Variants in MAP4 observed in about 807,000 individuals in gnomAD.
MAP4 encodes the protein microtubule associated protein 4.
A neutral mutation model predicts 170.2 loss-of-function variants in MAP4; 76 were observed. The observed-to-expected ratio is 0.45, with a 90% CI of 0.37 to 0.54. The LOEUF (loss-of-function observed/expected upper bound fraction) is 0.54, where lower values mean the gene tolerates loss of function less well. Ranked by LOEUF, MAP4 falls within the 20% of genes least tolerant of loss-of-function variation. The pLI is 0.00. For missense variants in MAP4, 2,506 were observed against 2,748.0 expected (o/e 0.91, Z 1.97); for synonymous variants, 909 against 994.5 (o/e 0.91, Z 1.62).
intron 1 of MAP4, among the ~76,000 whole-genome samples, chr3:48,013,871 C>A (rs191369868): frequency 1.6e-4 from 25 of 152,092 alleles, no homozygotes; most frequent in Non-Finnish European, 2.9e-4. Context: ...AAAATAAGCC[C>A]TGTATTATCT....
At chr3:47,953,751 C>T (rs2100066025) in intron 3 of MAP4, among the ~76,000 whole-genome samples, 1 of 152,066 alleles carries the variant, frequency 6.6e-6, no homozygotes. Context: ...TGGTGGTTCA[C>T]ACCTGTAATC....
chr3:48,068,272 A>AT (rs2100139280), intron 1 of MAP4, among the ~76,000 whole-genome samples: 1 of 151,690 alleles, frequency 6.6e-6, no homozygotes, highest in Admixed American at 6.6e-5. Flanking sequence ...CTCAAAAAAA[A>AT]AAAAAAAAAA....
At chr3:48,067,437 T>C (rs575760006) in intron 1 of MAP4, among the ~76,000 whole-genome samples, 1 of 152,132 alleles carries the variant, frequency 6.6e-6, no homozygotes, top group Non-Finnish European at 1.5e-5. Flanking sequence ...CATGTAATTC[T>C]ACCACCTGAG....
chr3:47,944,442 A>G (rs1338794812), intron 3 of MAP4, among the ~76,000 whole-genome samples: 1 of 152,098 alleles, frequency 6.6e-6, no homozygotes, highest in Non-Finnish European at 1.5e-5. Flanking sequence ...AAATGATATT[A>G]TATGACTGCT....
chr3:47,971,234 T>C (rs576906073), intron 3 of MAP4, among the ~76,000 whole-genome samples: 1 of 152,364 alleles, frequency 6.6e-6, no homozygotes, highest in South Asian at 2.1e-4. Flanking sequence ...TCTTGCTGTC[T>C]ATACATAGCA....
At chr3:48,030,691 C>T (rs1176869832) in intron 1 of MAP4, among the ~76,000 whole-genome samples, 1 of 145,312 alleles carries the variant, frequency 6.9e-6, no homozygotes, top group African/African-American at 2.5e-5. Context: ...CCCAGCTACT[C>T]GGGAGGCTGA....
intron 17 of MAP4, among the ~76,000 whole-genome samples, chr3:47,865,583 T>C (rs944532310): frequency 1.3e-5 from 2 of 152,126 alleles, no homozygotes; most frequent in Non-Finnish European, 2.9e-5. Flanking sequence ...TGGGGGTATC[T>C]GTAGGCCATG....
chr3:47,869,173 A>T, intron 16 of MAP4, 41 bp downstream of exon 16: 1 of 1,440,642 alleles, frequency 6.9e-7, no homozygotes, highest in Non-Finnish European at 9.8e-7. Flanking sequence ...GAAGTATTTT[A>T]CCATCTTCAC....
At chr3:47,958,555 T>A (rs1168356365) in intron 3 of MAP4, among the ~76,000 whole-genome samples, 1 of 152,156 alleles carries the variant, frequency 6.6e-6, no homozygotes, top group Non-Finnish European at 1.5e-5. Context: ...CTCACTCTGT[T>A]GCCCAGGCTG....
intron 3 of MAP4, among the ~76,000 whole-genome samples, chr3:47,929,746 T>A (rs2100048370): frequency 1.3e-5 from 2 of 152,066 alleles, no homozygotes; most frequent in South Asian, 4.2e-4. Context: ...GGCAAAGATT[T>A]CTTAGACATG....
At chr3:48,053,654 T>C (rs1397803843) in intron 1 of MAP4, among the ~76,000 whole-genome samples, 3 of 152,218 alleles carry the variant, frequency 2.0e-5, no homozygotes, top group African/African-American at 4.8e-5. Context: ...GTCTGAACTA[T>C]GAGATTCATG....
chr3:48,021,674 C>G (rs2100110645), intron 1 of MAP4, among the ~76,000 whole-genome samples: 1 of 152,078 alleles, frequency 6.6e-6, no homozygotes, highest in South Asian at 2.1e-4. Flanking sequence ...TAACCCCAAG[C>G]AAAGTCCAGT....
intron 3 of MAP4, among the ~76,000 whole-genome samples, chr3:47,932,451 C>CA (rs2100050422): frequency 6.6e-6 from 1 of 152,110 alleles, no homozygotes; most frequent in South Asian, 2.1e-4. Flanking sequence ...AGGAGTAGAA[C>CA]TGCTGGGTCA....
chr3:47,965,262 T>C (rs749812000), intron 3 of MAP4, among the ~76,000 whole-genome samples: 7 of 152,236 alleles, frequency 4.6e-5, no homozygotes, highest in Non-Finnish European at 7.3e-5. Flanking sequence ...CGTTCCATTA[T>C]ATGAATGTAC....
chr3:48,033,996 G>A (rs767142715), intron 1 of MAP4, among the ~76,000 whole-genome samples: 22 of 152,290 alleles, frequency 1.4e-4, no homozygotes, highest in Non-Finnish European at 3.1e-4. Context: ...GATGGCCTAT[G>A]CCCTCATATC....
chr3:47,948,631 C>CT (rs1012735393), intron 3 of MAP4, among the ~76,000 whole-genome samples: 11 of 150,424 alleles, frequency 7.3e-5, no homozygotes, highest in Admixed American at 5.3e-4. Context: ...GATCAATTTT[C>CT]TTTTTTTTGA....
At chr3:48,056,926 G>C (rs2100132282) in intron 1 of MAP4, among the ~76,000 whole-genome samples, 1 of 136,550 alleles carries the variant, frequency 7.3e-6, no homozygotes, top group Non-Finnish European at 1.6e-5. Flanking sequence ...CCCCGTCCGG[G>C]AGGGAGGTGG....
chr3:48,044,809 G>A (rs1024873221), intron 1 of MAP4, among the ~76,000 whole-genome samples: 6 of 151,806 alleles, frequency 4.0e-5, no homozygotes, highest in African/African-American at 1.5e-4. Flanking sequence ...ATTACCCAGG[G>A]GTGGTGGTGA....
intron 12 of MAP4, among the ~76,000 whole-genome samples, chr3:47,875,345 G>C (rs2094964183): frequency 6.6e-6 from 1 of 152,176 alleles, no homozygotes; most frequent in Admixed American, 6.5e-5. Context: ...CTGAGAGAAA[G>C]GAGGAAGAAC....
Sources: allele counts gnomAD v4.1 joint callset (sites outside exome capture counted in the v4.1 genomes callset), GRCh38; gene constraint gnomAD v4.1.1; transcripts MANE v1.5; gene names NCBI Gene and HGNC (gene_info 2026-07-23, HGNC 2026-07-21).